The following NID1 variants were observed in gnomAD, a reference collection of about 807,000 sequenced individuals.
The protein encoded by NID1 is nidogen-1.
NID1 carries 76 observed loss-of-function variants against 130.6 expected under a neutral mutation model. The observed-to-expected ratio is 0.58, with a 90% CI of 0.48 to 0.70. NID1 has a LOEUF of 0.70. NID1 is among the 30% of genes least tolerant of loss of function. The pLI, the probability that NID1 is intolerant of heterozygous loss-of-function variation, is 0.00. For missense variants in NID1, 1,517 were observed against 1,664.8 expected, an observed-to-expected ratio of 0.91 and a Z score of 1.54; for synonymous variants, 665 against 675.1, an observed-to-expected ratio of 0.98 and a Z score of 0.23.
chr1:236,017,837 C>G (rs1017143689), intron 9 of NID1, among the ~76,000 whole-genome samples: 3 of 152,130 alleles, frequency 2.0e-5, no homozygotes, highest in Admixed American at 6.5e-5. Flanking sequence ...CCCCTGAACA[C>G]GAGTCTTTCC....
rs778562250 is a variant in NID1, at chr1:236,042,236, G to A, written c.809C>T (p.Thr270Ile). The change falls in exon 4 of 20, where the codon ACC becomes ATC. Residue 270 changes from threonine to isoleucine, a missense_variant. By Grantham distance (89) the Thr-to-Ile change is moderately conservative (BLOSUM62 -1). This residue lies in a region of NID1 where 1,329 missense variants were observed against 1,429.2 expected (regional missense o/e 0.93). Transcript: ENST00000264187. ...GTCTGCAGGCACCACGCCATTGGTG[G>A]TGGCTGGACTCCCAATCTCAAACAC... ...VWVFEIGSPA[T>I]TNGVVPADVI... 1 of 1,610,934 alleles carries A rather than the reference G, an allele frequency of 6.2e-7. No individual in the cohort carries two copies. The highest frequency in any genetic ancestry group is 1.1e-5 in the South Asian group (1 of 91,084).
chr1:235,982,800 A>G (rs1234170385), intron 15 of NID1, among the ~76,000 whole-genome samples: 1 of 152,208 alleles, frequency 6.6e-6, no homozygotes, highest in Non-Finnish European at 1.5e-5. Flanking sequence ...ACTGGAGTAT[A>G]AGCAGGAAGG....
At chr1:235,995,405 A>G (rs569722696) in intron 12 of NID1, among the ~76,000 whole-genome samples, 163 of 152,352 alleles carry the variant, frequency 1.1e-3, no homozygotes, top group African/African-American at 3.4e-3. Context: ...ACTGAGGGAC[A>G]GCTGTACTTC....
At chr1:236,040,837 G>A (rs1432089664) in intron 4 of NID1, among the ~76,000 whole-genome samples, 1 of 151,852 alleles carries the variant, frequency 6.6e-6, no homozygotes, top group African/African-American at 2.4e-5. Context: ...CTAATGTTTT[G>A]CATTTTTAGT....
Position 235,977,205 on chromosome 1 carries a change from A to AG in NID1, c.*661dup, listed in dbSNP as rs1252042638. ...CTCAAATATTGACATTCTATCTGGG[A>AG]GGGGCTGCTCATTATCATCCACCAA... On this transcript the variant is annotated 3_prime_UTR_variant, in exon 20 of 20. Transcript: ENST00000264187. 3 of 152,210 alleles carry AG rather than the reference A, an allele frequency of 2.0e-5. No homozygotes were observed. Among genetic ancestry groups the AG allele is most frequent in the African/African-American group, 7.2e-5 (3 of 41,434 alleles). The allele number at this position is 152,210 out of a possible 1,614,324, so 9.4% of individuals were successfully genotyped here.
rs181474551 is a variant in NID1, at chr1:235,996,507, A to G, written c.2528-2635T>C. Among the ~76,000 whole-genome samples, 786 of 151,898 alleles carry G rather than the reference A, an allele frequency of 5.2e-3. 12 individuals are homozygous for G. Among genetic ancestry groups the G allele is most frequent in the Middle Eastern group, 0.024 (7 of 294 alleles). Reference sequence around the variant, plus strand: ...ACCCAGGCTGGAGTGCAGTGGTGCAATCTCAGTTCACTGCAACCTTAACCT... The same window carrying G: ...ACCCAGGCTGGAGTGCAGTGGTGCAGTCTCAGTTCACTGCAACCTTAACCT... On this transcript the variant is annotated intron_variant, in intron 12 of 19. Coordinates refer to ENST00000264187, the MANE Select transcript of NID1 (RefSeq NM_002508.3).
chr1:236,064,653 C>T, intron 1 of NID1: 2 of 622,758 alleles, frequency 3.2e-6, no homozygotes, highest in South Asian at 1.7e-5. Flanking sequence ...GACCCCGCGA[C>T]CCGCTCTTCG....
At chr1:236,063,466 T>A (rs1660098083) in intron 1 of NID1, among the ~76,000 whole-genome samples, 1 of 124,068 alleles carries the variant, frequency 8.1e-6, no homozygotes, top group African/African-American at 2.8e-5. Context: ...AGAGAGACTC[T>A]GTCTCAAAAA....
chr1:235,988,026 GA>G (rs998273642), intron 14 of NID1, among the ~76,000 whole-genome samples: 5 of 148,948 alleles, frequency 3.4e-5, no homozygotes, highest in East Asian at 2.0e-4. Flanking sequence ...GGCAACAAAA[GA>G]AAAAAAAAGG....
intron 16 of NID1, 145 bp from the exon 17 acceptor site, chr1:235,980,798 AAC>A: frequency 1.1e-6 from 1 of 911,440 alleles, no homozygotes; most frequent in South Asian, 1.9e-5. Flanking sequence ...GAGGTGATAA[AAC>A]ACATTTTCTT....
chr1:236,046,050 G>T (rs1008403120), intron 2 of NID1, among the ~76,000 whole-genome samples: 1 of 152,066 alleles, frequency 6.6e-6, no homozygotes, highest in East Asian at 1.9e-4. Flanking sequence ...ATATTCAACC[G>T]CATTCATCGT....
At chr1:236,034,398 G>A (rs1659188810) in intron 5 of NID1, among the ~76,000 whole-genome samples, 1 of 137,754 alleles carries the variant, frequency 7.3e-6, no homozygotes. Flanking sequence ...CTCCAGCCTG[G>A]GCAATAAGAG....
At chr1:236,043,350 C>T (rs1385802833) in intron 3 of NID1, among the ~76,000 whole-genome samples, 3 of 152,046 alleles carry the variant, frequency 2.0e-5, no homozygotes, top group East Asian at 1.9e-4. Context: ...GAGCCCTTAA[C>T]CTGTGGGGTC....
At chr1:236,006,969 G>A (rs1392571610) in intron 12 of NID1, among the ~76,000 whole-genome samples, 2 of 152,148 alleles carry the variant, frequency 1.3e-5, no homozygotes, top group African/African-American at 4.8e-5. Context: ...GGATGGGGAG[G>A]GGATGGCAGT....
intron 7 of NID1, among the ~76,000 whole-genome samples, chr1:236,028,599 A>C (rs1000284397): frequency 6.6e-6 from 1 of 152,160 alleles, no homozygotes; most frequent in African/African-American, 2.4e-5. Context: ...CTTGTAAAAG[A>C]ATGTCCTTGT....
rs1558418677 is a variant in NID1 at position 235,979,035 on chromosome 1, C to T, written c.3582G>A (p.Arg1194=). The part of the protein sequence containing the change: ...TDAFQPHKQT[R]LYGITTALSQ... ...ACAGGGCCGTGGTGATGCCATACAG[C>T]CGGGTCTGCTTGTGGGGTTGGAAAG... is the stretch of plus-strand genomic sequence containing the variant. Residue 1194 remains arginine, a synonymous_variant, in exon 19 of 20, where the codon CGG becomes CGA. Coordinates refer to ENST00000264187, the MANE Select transcript of NID1 (RefSeq NM_002508.3). This position sits in a 1 kb window ranked among gnomAD's most constrained non-coding sequence, Gnocchi z 4.6. 2.5e-6 allele frequency: 4 copies of T among 1,614,030 alleles called. No individual in the cohort carries two copies. Among genetic ancestry groups the T allele is most frequent in the Non-Finnish European group, 3.4e-6 (4 of 1,179,960 alleles).
chr1:236,042,124 A>G lies in NID1; in HGVS notation c.921T>C (p.Asp307=). 1 of 1,614,134 alleles carries G rather than the reference A, an allele frequency of 6.2e-7. No individual in the cohort carries two copies. Among genetic ancestry groups the G allele is most frequent in the Non-Finnish European group, 8.5e-7 (1 of 1,180,016 alleles). Residue 307 remains aspartate, a synonymous_variant, in exon 4 of 20, where the codon GAT becomes GAC. Coordinates refer to ENST00000264187, the MANE Select transcript of NID1 (RefSeq NM_002508.3). The part of the protein sequence containing the change: ...DLATTRLGLE[D]VGTTPFSYKA... ...TGTAGGAGAAGGGCGTGGTGCCCACATCCTCCAGGCCCAGACGAGTGGTCG... is the reference window on the plus strand; with the variant it reads ...TGTAGGAGAAGGGCGTGGTGCCCACGTCCTCCAGGCCCAGACGAGTGGTCG...
chr1:235,991,348 T>A (rs191353533), intron 13 of NID1, among the ~76,000 whole-genome samples: 3 of 151,726 alleles, frequency 2.0e-5, no homozygotes, highest in Middle Eastern at 3.4e-3. Context: ...CCCTCTTTTT[T>A]TTGAGACGGA....
chr1:236,016,584 C>T (rs1168631263), intron 10 of NID1, among the ~76,000 whole-genome samples: 7 of 152,170 alleles, frequency 4.6e-5, no homozygotes, highest in East Asian at 1.9e-4. Flanking sequence ...TCCTCATCAT[C>T]ACCCAAATCA....
Sources: gnomAD v4.1 joint callset for allele counts (sites outside exome capture counted in the v4.1 genomes callset) on GRCh38, gnomAD v4.1.1 for gene constraint, gnomAD v4.1.1 regional missense constraint, Gnocchi (gnomAD v3.1) non-coding constraint, MANE v1.5 for transcripts, NCBI Gene and HGNC (gene_info 2026-07-23, HGNC 2026-07-21) for gene names.